LPCAT2: variants seen among roughly 807,000 people sequenced by gnomAD.
LPCAT2 encodes lysophosphatidylcholine acyltransferase 2, also known as 1-AGP acyltransferase 11.
A neutral mutation model predicts 64.7 loss-of-function variants in LPCAT2; 58 were observed. The observed-to-expected ratio is 0.90, with a 90% confidence interval of 0.73 to 1.12. The LOEUF (loss-of-function observed/expected upper bound fraction) is 1.12, where lower values mean the gene tolerates loss of function less well. LPCAT2 is among the 50% of genes most tolerant of loss of function. LPCAT2 has a pLI of 0.00. For missense variants in LPCAT2, 579 were observed against 669.8 expected, an observed-to-expected ratio of 0.86 and a Z score of 1.50; for synonymous variants, 252 against 245.3, an observed-to-expected ratio of 1.03 and a Z score of -0.26.
chr16:55,541,991 T>C (rs1596867044), intron 8 of LPCAT2: 1 of 1,173,708 alleles, frequency 8.5e-7, no homozygotes, highest in East Asian at 6.0e-5. Flanking sequence ...TTATTTTCTG[T>C]TACAAGGAAA....
intron 4 of LPCAT2, 57 bp from the exon 5 acceptor site, chr16:55,531,857 T>C: frequency 2.7e-6 from 3 of 1,116,690 alleles, no homozygotes; most frequent in Non-Finnish European, 4.1e-6. Context: ...AGAAAGCGAG[T>C]AAAGAGGTAA....
In LPCAT2 at chr16:55,550,633, G is replaced by A. The variant is rs141504215; in HGVS notation, c.1062-316G>A. Among the ~76,000 whole-genome samples the A allele has an allele frequency of 5.1e-3, 779 of 152,060 alleles. 5 individuals carry two copies. The highest frequency in any genetic ancestry group is 0.018 in the African/African-American group (728 of 41,454). On this transcript the variant is annotated intron_variant, in intron 10 of 13. Transcript: ENST00000262134. ...AAGTATCCTTTAAAAGATTAAATGC[G>A]GGCCGGGCGTGGTGGCTCACACCTA... is the stretch of plus-strand genomic sequence containing the variant.
chr16:55,528,638 A>G (rs781076256), intron 3 of LPCAT2, 44 bp downstream of exon 3: 7 of 1,410,860 alleles, frequency 5.0e-6, no homozygotes, highest in East Asian at 2.3e-5. Context: ...TTTCATGCTC[A>G]TGCTTTAAAT....
At chr16:55,541,978 A>C (rs1204685349) in intron 8 of LPCAT2, 2 of 1,194,720 alleles carry the variant, frequency 1.7e-6, no homozygotes, top group Non-Finnish European at 2.2e-6. Context: ...TGTCCTTTTA[A>C]AATTATTTTC....
At chr16:55,572,040 C>T (rs1032218163) in intron 11 of LPCAT2, among the ~76,000 whole-genome samples, 1 of 152,098 alleles carries the variant, frequency 6.6e-6, no homozygotes, top group Non-Finnish European at 1.5e-5. Flanking sequence ...TTCCATGCTG[C>T]TTTTTCCTTC....
Position 55,549,409 on chromosome 16 carries a change from G to T in LPCAT2, c.1061+7G>T. ...AAATTAGCCGAAAATTGAAGTAAGT[G>T]TATTTTAAAATGACTACACTTTCAT... is the stretch of plus-strand genomic sequence containing the variant. On this transcript the variant is annotated splice_region_variant and intron_variant, in intron 10 of 13. Coordinates refer to ENST00000262134, the MANE Select transcript of LPCAT2 (RefSeq NM_017839.5). The T allele has an allele frequency of 6.3e-7, 1 of 1,583,164 alleles. No individual in the cohort carries two copies. The highest frequency in any genetic ancestry group is 8.5e-7 in the Non-Finnish European group (1 of 1,171,168).
Position 55,529,927 on chromosome 16 carries a change from T to G in LPCAT2, c.622T>G (p.Ser208Ala), listed in dbSNP as rs767255611. The G allele has an allele frequency of 6.2e-6, 10 of 1,610,850 alleles. 1 individual carries two copies. In the South Asian group the frequency reaches 9.9e-5, roughly 16 times the overall value. The change falls in exon 4 of 14, where the codon TCA becomes GCA. Residue 208 changes from serine to alanine, a missense_variant. Ser to Ala is a moderately conservative substitution (Grantham distance 99). Coordinates refer to ENST00000262134, the MANE Select transcript of LPCAT2 (RefSeq NM_017839.5). ...AAATGAAATAATAAAGCGAACAACATCAGGAGGAGAATGGCCCCAGGTAAA... is the reference window on the plus strand; with the variant it reads ...AAATGAAATAATAAAGCGAACAACAGCAGGAGGAGAATGGCCCCAGGTAAA... ...TINEIIKRTT[S>A]GGEWPQILVF...
Position 55,564,671 on chromosome 16 carries a change from T to A in LPCAT2, c.1216-9960T>A, listed in dbSNP as rs547394980. ...AAAAGAATGAAGTTGGACCCTTAACTTACACATATACAAAAGTTAACTCAA... is the reference window on the plus strand; with the variant it reads ...AAAAGAATGAAGTTGGACCCTTAACATACACATATACAAAAGTTAACTCAA... On this transcript the variant is annotated intron_variant, in intron 11 of 13. Coordinates refer to ENST00000262134, the MANE Select transcript of LPCAT2 (RefSeq NM_017839.5). 2.6e-5 allele frequency among the ~76,000 whole-genome samples: 4 copies of A among 152,012 alleles called. 1 individual carries two copies. The South Asian group carries it at 8.3e-4, about 32-fold the overall frequency.
chr16:55,553,293 A>G (rs2142401704), intron 11 of LPCAT2, among the ~76,000 whole-genome samples: 1 of 152,356 alleles, frequency 6.6e-6, no homozygotes, highest in Non-Finnish European at 1.5e-5. Flanking sequence ...ATTTTACTAC[A>G]GTAGAACTTC....
At chr16:55,513,401 G>A (rs1962961501) in intron 1 of LPCAT2, among the ~76,000 whole-genome samples, 1 of 151,920 alleles carries the variant, frequency 6.6e-6, no homozygotes, top group African/African-American at 2.4e-5. Context: ...TTGAAGATAG[G>A]TCACTAGAAA....
chr16:55,582,436 A>G (rs781620767), intron 13 of LPCAT2, among the ~76,000 whole-genome samples: 12 of 152,284 alleles, frequency 7.9e-5, no homozygotes, highest in Non-Finnish European at 1.8e-4. Flanking sequence ...GTTACTTTAT[A>G]TCTTGCTTTT....
At chr16:55,541,105 G>A (rs1395748598) in intron 8 of LPCAT2, 1 of 152,076 alleles carries the variant, frequency 6.6e-6, no homozygotes, top group Non-Finnish European at 1.5e-5. Flanking sequence ...TTCATGTAAT[G>A]TGTTTGGACC....
At chr16:55,543,443 A>G (rs939567069) in intron 8 of LPCAT2, among the ~76,000 whole-genome samples, 19 of 152,302 alleles carry the variant, frequency 1.2e-4, no homozygotes, top group African/African-American at 4.3e-4. Context: ...TGGTTGTTTG[A>G]CTTTTTTAAA....
In LPCAT2 at chr16:55,534,531, AAAG is replaced by A. The variant is rs1172331199; in HGVS notation, c.797+57_797+59del. On this transcript the variant is annotated intron_variant, in intron 7 of 13. Coordinates refer to ENST00000262134, the MANE Select transcript of LPCAT2 (RefSeq NM_017839.5). ...ATATAAATTTTATTTTAGTGAAGAAAAAGAAAGATCATTTATTCATTCTTTAAA... is the reference window on the plus strand; with the variant it reads ...ATATAAATTTTATTTTAGTGAAGAAAAAAGATCATTTATTCATTCTTTAAA... 9 of 819,276 alleles carry A rather than the reference AAAG, an allele frequency of 1.1e-5. No individual in the cohort carries two copies. The East Asian group carries it at 2.2e-4, about 20-fold the overall frequency. 50.8% of individuals were successfully genotyped at this position (819,276 alleles called of 1,614,324 possible).
At chr16:55,516,861 C>G (rs1177876757) in intron 1 of LPCAT2, among the ~76,000 whole-genome samples, 1 of 152,002 alleles carries the variant, frequency 6.6e-6, no homozygotes, top group East Asian at 1.9e-4. Context: ...GAACATTTGC[C>G]AAGGTAGGTC....
At chr16:55,582,539 G>A (rs546009498) in intron 13 of LPCAT2, among the ~76,000 whole-genome samples, 1 of 152,182 alleles carries the variant, frequency 6.6e-6, no homozygotes, top group Non-Finnish European at 1.5e-5. Context: ...TGTTCCATGA[G>A]TATGACACAA....
chr16:55,510,244 G>A (rs1162623230), intron 1 of LPCAT2, among the ~76,000 whole-genome samples: 1 of 152,168 alleles, frequency 6.6e-6, no homozygotes, highest in African/African-American at 2.4e-5. Context: ...GTTGAAGCAT[G>A]AGAAGTAGTA....
At chr16:55,535,678 A>T (rs2142386192) in intron 7 of LPCAT2, among the ~76,000 whole-genome samples, 1 of 152,330 alleles carries the variant, frequency 6.6e-6, no homozygotes, top group Non-Finnish European at 1.5e-5. Flanking sequence ...AGAAACAGGT[A>T]GTATGAAAGT....
chr16:55,555,709 A>G (rs1203193558), intron 11 of LPCAT2, among the ~76,000 whole-genome samples: 1 of 152,254 alleles, frequency 6.6e-6, no homozygotes, highest in African/African-American at 2.4e-5. Context: ...GCTTGCATGC[A>G]GCATACAAAT....
Sources: gnomAD v4.1 joint callset for allele counts (sites outside exome capture counted in the v4.1 genomes callset) on GRCh38, gnomAD v4.1.1 for gene constraint, MANE v1.5 for transcripts, NCBI Gene and HGNC (gene_info 2026-07-23, HGNC 2026-07-21) for gene names.